The following DNAH6 variants were observed in gnomAD, a reference collection of about 807,000 sequenced individuals.
DNAH6 encodes axonemal beta dynein heavy chain 6.
A neutral mutation model predicts 491.4 loss-of-function variants in DNAH6; 340 were observed. The observed-to-expected ratio is 0.69, with a 90% CI of 0.63 to 0.76. The LOEUF is 0.76. DNAH6 is among the 30% of genes least tolerant of loss of function. The probability of loss-of-function intolerance (pLI) is 0.00; values close to 1 mark genes in which losing one functional copy is unlikely to be tolerated. For missense variants in DNAH6, 4,443 were observed against 4,972.2 expected, an observed-to-expected ratio of 0.89 and a Z score of 3.20; for synonymous variants, 1,603 against 1,686.1, an observed-to-expected ratio of 0.95 and a Z score of 1.21.
chr2:84,723,096 C>T (rs1347787444), intron 60 of DNAH6, among the ~76,000 whole-genome samples: 1 of 152,048 alleles, frequency 6.6e-6, no homozygotes, highest in African/African-American at 2.4e-5. Context: ...GGCGTGGTGG[C>T]AGGTGCCTGT....
At chr2:84,791,985 C>T (rs1677798925) in intron 68 of DNAH6, among the ~76,000 whole-genome samples, 1 of 151,992 alleles carries the variant, frequency 6.6e-6, no homozygotes, top group Admixed American at 6.6e-5. Flanking sequence ...CCCAAATGTC[C>T]ATCAACATAT....
chr2:84,694,891 A>G (rs1410230556), intron 46 of DNAH6, among the ~76,000 whole-genome samples: 1 of 152,234 alleles, frequency 6.6e-6, no homozygotes, highest in Non-Finnish European at 1.5e-5. Flanking sequence ...GTAGGATTAC[A>G]TCTATATCTA....
intron 33 of DNAH6, among the ~76,000 whole-genome samples, chr2:84,644,134 T>C (rs1689673450): frequency 6.6e-6 from 1 of 152,130 alleles, no homozygotes; most frequent in Non-Finnish European, 1.5e-5. Flanking sequence ...GCTTCATAAG[T>C]GTTTCTCAGT....
chr2:84,607,441 C>T (rs1397891038), intron 21 of DNAH6, among the ~76,000 whole-genome samples: 2 of 151,952 alleles, frequency 1.3e-5, no homozygotes, highest in East Asian at 3.9e-4. Flanking sequence ...ATTAGGAACA[C>T]ATGGACATAA....
chr2:84,585,533 G>A (rs966860123), intron 15 of DNAH6, among the ~76,000 whole-genome samples: 8 of 152,136 alleles, frequency 5.3e-5, no homozygotes, highest in Non-Finnish European at 1.0e-4. Context: ...CAGCAGAGAG[G>A]AGGCCCTGGA....
At chr2:84,497,465 AT>A in the DNAH6 span, among the ~76,000 whole-genome samples, 7 of 152,188 alleles carry the variant, frequency 4.6e-5, no homozygotes, top group African/African-American at 1.7e-4. Context: ...GCAAGGGTAA[AT>A]ACCTAAGAAT....
rs1236975491 is a variant in DNAH6 at position 84,624,611 on chromosome 2, T to A, written c.4344T>A (p.Thr1448=). The A allele has an allele frequency of 4.5e-6, 7 of 1,551,398 alleles. No homozygotes were observed. The highest frequency in any genetic ancestry group is 5.2e-6 in the Non-Finnish European group (6 of 1,146,858). ...YLGACPRLVI[T]PLTDRCYLCL... is the part of the protein sequence containing the mutation. The stretch of plus-strand genomic sequence containing the variant: ...GTGCATGCCCAAGATTGGTTATTAC[T>A]CCACTCACAGTAAGTTATTGATCAC... The change falls in exon 28 of 77, where the codon ACT becomes ACA. Residue 1448 remains threonine (T), a synonymous_variant. Transcript: ENST00000389394.
chr2:84,488,177 A>C, the DNAH6 span, among the ~76,000 whole-genome samples: 1 of 152,214 alleles, frequency 6.6e-6, no homozygotes, highest in African/African-American at 2.4e-5. Context: ...AATACTAGGT[A>C]GGTATGTTAG....
intron 59 of DNAH6, 34 bp from the exon 60 acceptor site, chr2:84,722,591 A>G (rs1286550522): frequency 6.6e-7 from 1 of 1,506,462 alleles, no homozygotes; most frequent in Admixed American, 2.3e-5. Context: ...TCTGGAACAG[A>G]TCCCTAAGAA....
intron 64 of DNAH6, among the ~76,000 whole-genome samples, chr2:84,774,922 T>C (rs1435130870): frequency 1.3e-5 from 2 of 152,170 alleles, no homozygotes; most frequent in African/African-American, 4.8e-5. Flanking sequence ...TTTATCAGTT[T>C]TCTAGTTATA....
chr2:84,718,243 A>G lies in DNAH6; in HGVS notation c.9651A>G (p.Gln3217=). Residue 3217 remains glutamine (Q), a synonymous_variant, in exon 59 of 77, where the codon CAA becomes CAG. Coordinates refer to ENST00000389394, the MANE Select transcript of DNAH6 (RefSeq NM_001370.2). ...TTGAAAAACCCAGGTTGGAAGAACA[A>G]AGAATTAAGCTCATCGTGAGGATCA... The part of the protein sequence containing the change: ...VRLEKPRLEE[Q]RIKLIVRINT... The G allele has an allele frequency of 6.5e-7, 1 of 1,542,430 alleles. No homozygotes were observed. Among genetic ancestry groups the G allele is most frequent in the Non-Finnish European group, 8.7e-7 (1 of 1,144,286 alleles).
intron 11 of DNAH6, 23 bp downstream of exon 11, chr2:84,557,958 T>G: frequency 7.2e-7 from 1 of 1,380,312 alleles, no homozygotes; most frequent in South Asian, 1.4e-5. Context: ...TGACTAAAAC[T>G]ATTCTATAAT....
chr2:84,668,096 G>A (rs182475349), intron 37 of DNAH6, among the ~76,000 whole-genome samples: 139 of 152,272 alleles, frequency 9.1e-4, no homozygotes, highest in Middle Eastern at 3.4e-3. Flanking sequence ...GTCGTGGGGC[G>A]GGGGGAGGTG....
chr2:84,683,363 C>T (rs969712325), intron 42 of DNAH6, among the ~76,000 whole-genome samples: 3 of 150,528 alleles, frequency 2.0e-5, no homozygotes, highest in African/African-American at 7.4e-5. Context: ...CCATAATCTG[C>T]TTCGTTCCCT....
chr2:84,503,702 C>G, the DNAH6 span, among the ~76,000 whole-genome samples: 1 of 145,622 alleles, frequency 6.9e-6, no homozygotes, highest in Non-Finnish European at 1.5e-5. Flanking sequence ...TTTTTTTCTT[C>G]AACACTTTAA....
At chr2:84,493,781 G>A in the DNAH6 span, among the ~76,000 whole-genome samples, 1 of 152,192 alleles carries the variant, frequency 6.6e-6, no homozygotes, top group African/African-American at 2.4e-5. Context: ...ATCCTTGGTA[G>A]ACACAACAGC....
At chr2:84,774,901 T>C (rs36098281) in intron 64 of DNAH6, among the ~76,000 whole-genome samples, 38,010 of 152,108 alleles carry the variant, frequency 0.25, 5,905 homozygotes, top group Non-Finnish European at 0.34. Flanking sequence ...TCCTGAAACT[T>C]ACTGAAGACA....
chr2:84,758,171 A>G (rs185677998), intron 63 of DNAH6, among the ~76,000 whole-genome samples: 4 of 152,346 alleles, frequency 2.6e-5, no homozygotes, highest in Admixed American at 6.5e-5. Context: ...CCTGTTTGCG[A>G]GAAAAATATT....
chr2:84,796,541 A>G (rs1678367761), intron 69 of DNAH6, 116 bp downstream of exon 69: 2 of 825,412 alleles, frequency 2.4e-6, no homozygotes, highest in African/African-American at 1.8e-5. Context: ...TGTTATAGCC[A>G]CACCCTATCC....
Sources: allele counts gnomAD v4.1 joint callset (sites outside exome capture counted in the v4.1 genomes callset), GRCh38; gene constraint gnomAD v4.1.1; transcripts MANE v1.5; gene names NCBI Gene and HGNC (gene_info 2026-07-23, HGNC 2026-07-21).